FHIT: variants seen among roughly 807,000 people sequenced by gnomAD.
The protein encoded by FHIT is fragile histidine triad diadenosine triphosphatase.
Under a neutral mutation model 17.9 loss-of-function variants are expected in FHIT, and 19 were observed. The observed-to-expected ratio is 1.06, with a 90% CI of 0.74 to 1.56. The LOEUF is 1.56. FHIT is among the 40% of genes most tolerant of loss of function. The pLI is 0.00. For synonymous variants in FHIT, 81 were observed against 69.7 expected (o/e 1.16, Z -0.81); for missense variants, 248 against 189.2 (o/e 1.31, Z -1.82).
chr3:60,403,957 C>T (rs902832346), intron 5 of FHIT, among the ~76,000 whole-genome samples: 2 of 152,160 alleles, frequency 1.3e-5, no homozygotes, highest in African/African-American at 4.8e-5. Context: ...TTAGGATTCT[C>T]TAAAAGGACA....
intron 8 of FHIT, among the ~76,000 whole-genome samples, chr3:59,860,759 G>C (rs1157357263): frequency 1.3e-5 from 2 of 152,138 alleles, no homozygotes; most frequent in East Asian, 1.9e-4. Flanking sequence ...CCACCAGAGA[G>C]TGTCAGATAA....
intron 8 of FHIT, among the ~76,000 whole-genome samples, chr3:59,804,317 C>T (rs1430850481): frequency 1.3e-5 from 2 of 152,162 alleles, no homozygotes; most frequent in Non-Finnish European, 2.9e-5. Flanking sequence ...CTACACTGCC[C>T]CATTTCAAGG....
chr3:59,825,062 G>A (rs1367143825), intron 8 of FHIT, among the ~76,000 whole-genome samples: 2 of 152,162 alleles, frequency 1.3e-5, no homozygotes, highest in Admixed American at 1.3e-4. Context: ...TGTGTGGTTG[G>A]GTTTGTTGTT....
intron 5 of FHIT, among the ~76,000 whole-genome samples, chr3:60,354,144 T>C (rs927606411): frequency 1.3e-5 from 2 of 152,140 alleles, no homozygotes; most frequent in African/African-American, 4.8e-5. Context: ...ACATATGACA[T>C]GCTTGTAACA....
chr3:60,547,465 T>G (rs1177951574), intron 4 of FHIT, among the ~76,000 whole-genome samples: 2 of 152,118 alleles, frequency 1.3e-5, no homozygotes, highest in Non-Finnish European at 2.9e-5. Flanking sequence ...AAAAAAAAGG[T>G]CTCACATTTC....
chr3:60,673,983 T>A (rs921711044), intron 4 of FHIT, among the ~76,000 whole-genome samples: 2 of 152,068 alleles, frequency 1.3e-5, no homozygotes, highest in African/African-American at 4.8e-5. Context: ...TTTTTTAAAC[T>A]ATTTTTTTTC....
intron 8 of FHIT, among the ~76,000 whole-genome samples, chr3:59,912,714 T>A (rs73102600): frequency 0.051 from 7,830 of 152,286 alleles, 242 homozygotes; most frequent in South Asian, 0.087. Flanking sequence ...GGAGCAAGGT[T>A]ACATTTCCGT....
At chr3:60,847,656 C>T (rs1575593726) in intron 3 of FHIT, among the ~76,000 whole-genome samples, 2 of 152,234 alleles carry the variant, frequency 1.3e-5, no homozygotes, top group Middle Eastern at 6.8e-3. Flanking sequence ...CAGTAGGATG[C>T]CACAAAAATT....
chr3:59,855,843 C>T (rs1026154800), intron 8 of FHIT, among the ~76,000 whole-genome samples: 4 of 151,096 alleles, frequency 2.6e-5, no homozygotes, highest in Admixed American at 1.3e-4. Flanking sequence ...TGCAGTGGCA[C>T]TAACTTGGCT....
intron 1 of FHIT, among the ~76,000 whole-genome samples, chr3:61,207,603 G>C (rs899611116): frequency 6.6e-5 from 10 of 152,290 alleles, no homozygotes; most frequent in East Asian, 1.9e-4. Flanking sequence ...TAGTTTATTT[G>C]CATAGAGGTG....
chr3:60,920,840 G>A (rs1189648126), intron 3 of FHIT, among the ~76,000 whole-genome samples: 1 of 152,176 alleles, frequency 6.6e-6, no homozygotes, highest in Non-Finnish European at 1.5e-5. Flanking sequence ...ATCATCATTA[G>A]AAAACCACTA....
At chr3:60,369,330 T>C (rs1207319269) in intron 5 of FHIT, among the ~76,000 whole-genome samples, 2 of 152,178 alleles carry the variant, frequency 1.3e-5, no homozygotes, top group South Asian at 2.1e-4. Context: ...TTAGGTAAGA[T>C]TCTTCATCTG....
intron 3 of FHIT, among the ~76,000 whole-genome samples, chr3:60,964,111 G>A (rs1027208528): frequency 6.6e-6 from 1 of 152,092 alleles, no homozygotes; most frequent in Non-Finnish European, 1.5e-5. Context: ...GAATCTGGGT[G>A]CTCCTGTATT....
intron 7 of FHIT, among the ~76,000 whole-genome samples, chr3:59,957,343 G>C (rs1034650350): frequency 1.3e-5 from 2 of 152,252 alleles, no homozygotes; most frequent in African/African-American, 4.8e-5. Flanking sequence ...AAGGTGGCTA[G>C]CTGGATGCTC....
chr3:59,912,405 T>C (rs549584523), intron 8 of FHIT, among the ~76,000 whole-genome samples: 13 of 152,340 alleles, frequency 8.5e-5, no homozygotes, highest in African/African-American at 2.6e-4. Flanking sequence ...AGCCTCAGTC[T>C]TCAATATCAA....
intron 5 of FHIT, among the ~76,000 whole-genome samples, chr3:60,469,647 T>G (rs529989842): frequency 6.6e-6 from 1 of 152,256 alleles, no homozygotes; most frequent in African/African-American, 2.4e-5. Context: ...TCTCCAGGAT[T>G]GGCTACAGGT....
chr3:60,728,944 T>A (rs188499926), intron 4 of FHIT, among the ~76,000 whole-genome samples: 13 of 152,290 alleles, frequency 8.5e-5, no homozygotes, highest in South Asian at 2.1e-4. Context: ...TAATCCTGGA[T>A]CATCCCCACA....
intron 4 of FHIT, among the ~76,000 whole-genome samples, chr3:60,745,869 A>G (rs1483607204): frequency 1.3e-5 from 2 of 152,212 alleles, no homozygotes; most frequent in South Asian, 4.1e-4. Flanking sequence ...CCTCATCCCC[A>G]GCAGCAAGGT....
intron 7 of FHIT, among the ~76,000 whole-genome samples, chr3:59,927,880 C>G (rs1705751862): frequency 6.6e-6 from 1 of 152,226 alleles, no homozygotes; most frequent in Non-Finnish European, 1.5e-5. Context: ...GAGGCTCTGC[C>G]TCTTCTGCGC....
Sources: gnomAD v4.1 joint callset for allele counts (sites outside exome capture counted in the v4.1 genomes callset) on GRCh38, gnomAD v4.1.1 for gene constraint, MANE v1.5 for transcripts, NCBI Gene and HGNC (gene_info 2026-07-23, HGNC 2026-07-21) for gene names.